The following FAM24B variants were observed in gnomAD, a reference collection of about 807,000 sequenced individuals.
FAM24B encodes family with sequence similarity 24 member B.
A neutral mutation model predicts 2.3 loss-of-function variants in FAM24B; 3 were observed. The observed-to-expected ratio is 1.29, with a 90% CI of 0.59 to 3.32. The LOEUF is 3.32. Among genes scored for constraint, FAM24B ranks in the 30% most tolerant of loss-of-function variants. The pLI is 0.03. For synonymous variants in FAM24B, 36 were observed against 46.3 expected (o/e 0.78, Z 0.90); for missense variants, 98 against 117.2 (o/e 0.84, Z 0.76).
At chr10:122,874,441 GT>G (rs749000030) in intron 1 of FAM24B, among the ~76,000 whole-genome samples, 1 of 151,998 alleles carries the variant, frequency 6.6e-6, no homozygotes, top group Non-Finnish European at 1.5e-5. Flanking sequence ...TGCAACACAG[GT>G]TTATCACTGA....
intron 2 of FAM24B, among the ~76,000 whole-genome samples, chr10:122,854,626 A>T (rs1448912305): frequency 6.6e-6 from 1 of 152,236 alleles, no homozygotes; most frequent in African/African-American, 2.4e-5. Flanking sequence ...TCGAAGCAAT[A>T]TCTCACTGAT....
At chr10:122,852,670 C>T (rs1236476341) in intron 2 of FAM24B, among the ~76,000 whole-genome samples, 1 of 152,208 alleles carries the variant, frequency 6.6e-6, no homozygotes. Flanking sequence ...CCCAAGGGGT[C>T]TCCACTGATA....
In FAM24B at chr10:122,850,503, C is replaced by T. The variant is rs141194908; in HGVS notation, c.13G>A (p.Ala5Thr). The part of the protein sequence containing the change: MPVI[A>T]GGILAALLLL... ...AGCAAGGCCGCCAGGATACCACCAG[C>T]GATGACAGGCATAATCACTGTATGG... The change falls in exon 3 of 4, where the codon GCT (alanine) becomes ACT (threonine). Residue 5 changes from alanine (A) to threonine (T), a missense_variant. Transcript: ENST00000368898. 19 of 1,613,018 alleles carry T rather than the reference C, an allele frequency of 1.2e-5. No individual in the cohort carries two copies. The highest frequency in any genetic ancestry group is 1.7e-5 in the Admixed American group (1 of 59,998).
chr10:122,855,436 A>T (rs1847621584), intron 2 of FAM24B: 1 of 152,202 alleles, frequency 6.6e-6, no homozygotes, highest in Non-Finnish European at 1.5e-5. Context: ...TGTCTAGGTG[A>T]TCCATGCAGA....
At chr10:122,854,556 A>C (rs978443517) in intron 2 of FAM24B, among the ~76,000 whole-genome samples, 1 of 152,228 alleles carries the variant, frequency 6.6e-6, no homozygotes, top group South Asian at 2.1e-4. Context: ...AAAGATCTGC[A>C]AATAAATCCC....
intron 1 of FAM24B, among the ~76,000 whole-genome samples, chr10:122,862,978 G>A (rs1269289847): frequency 2.0e-5 from 3 of 151,942 alleles, no homozygotes; most frequent in Non-Finnish European, 2.9e-5. Flanking sequence ...CAGCTTGGGA[G>A]GGGACAGGCT....
At chr10:122,866,692 T>C (rs980472759) in intron 1 of FAM24B, among the ~76,000 whole-genome samples, 2 of 152,188 alleles carry the variant, frequency 1.3e-5, no homozygotes, top group South Asian at 2.1e-4. Context: ...CCATGAATCA[T>C]GACCCTATAA....
chr10:122,853,538 C>A (rs932932939), intron 2 of FAM24B, among the ~76,000 whole-genome samples: 1 of 152,148 alleles, frequency 6.6e-6, no homozygotes, highest in African/African-American at 2.4e-5. Context: ...CTCTCCCTCC[C>A]GTGTTAATTG....
At chr10:122,850,305 A>G in intron 3 of FAM24B, 119 bp downstream of exon 3, 1 of 794,548 alleles carries the variant, frequency 1.3e-6, no homozygotes, top group Middle Eastern at 2.3e-4. Context: ...GTATGGCCAC[A>G]GCAGCAAGGA....
chr10:122,854,003 G>C (rs1273405998), intron 2 of FAM24B, among the ~76,000 whole-genome samples: 1 of 152,110 alleles, frequency 6.6e-6, no homozygotes, highest in Non-Finnish European at 1.5e-5. Context: ...CAGGAGCTCT[G>C]CAACCCTAGG....
chr10:122,871,099 A>C (rs927178729), intron 1 of FAM24B, among the ~76,000 whole-genome samples: 4 of 152,200 alleles, frequency 2.6e-5, no homozygotes, highest in African/African-American at 4.8e-5. Context: ...CTCAGGATAC[A>C]AAATCAATGT....
In FAM24B at chr10:122,857,650, C is replaced by T. The variant is rs140891969; in HGVS notation, c.-177-1864G>A. Among the ~76,000 whole-genome samples the T allele has an allele frequency of 3.9e-5, 6 of 152,270 alleles. No individual in the cohort carries two copies. The East Asian group carries it at 9.6e-4, about 24-fold the overall frequency. On this transcript the variant is annotated intron_variant, in intron 1 of 3. Transcript: ENST00000368898. ...TTGCTGTACTTGTGTATTTATGGTA[C>T]TTATGTATCTGTTTCCTTGTATTTC...
chr10:122,876,196 C>T (rs535306557), intron 1 of FAM24B, among the ~76,000 whole-genome samples: 2 of 152,282 alleles, frequency 1.3e-5, no homozygotes, highest in East Asian at 3.9e-4. Flanking sequence ...TTGCCTTGGT[C>T]TCTCACTCTT....
At chr10:122,875,522 T>G (rs1325179852) in intron 1 of FAM24B, among the ~76,000 whole-genome samples, 2 of 152,228 alleles carry the variant, frequency 1.3e-5, no homozygotes, top group Non-Finnish European at 2.9e-5. Context: ...GAAGAATATA[T>G]AGAAACTGAG....
intron 1 of FAM24B, among the ~76,000 whole-genome samples, chr10:122,869,527 C>G (rs1206782139): frequency 5.9e-5 from 9 of 152,214 alleles, no homozygotes; most frequent in Admixed American, 5.2e-4. Context: ...TGACCACATA[C>G]TTGGAAGTAA....
Position 122,849,143 on chromosome 10 carries a change from A to C in FAM24B, c.*104T>G. On this transcript the variant is annotated 3_prime_UTR_variant, in exon 4 of 4. Coordinates refer to ENST00000368898, the MANE Select transcript of FAM24B (RefSeq NM_152644.3). Reference sequence around the variant, plus strand: ...TCAAAAGTATATAAAACAACACTGTAAATTATATAATCTCACATAAAAACA... The same window carrying C: ...TCAAAAGTATATAAAACAACACTGTCAATTATATAATCTCACATAAAAACA... The C allele has an allele frequency of 3.6e-6, 3 of 830,590 alleles. No individual in the cohort carries two copies. Among genetic ancestry groups the C allele is most frequent in the Non-Finnish European group, 5.3e-6 (3 of 568,300 alleles). The allele number at this position is 830,590 out of a possible 1,614,324, so 51.5% of individuals were successfully genotyped here. A position where few individuals can be genotyped will look rare whatever the true frequency, so the allele number is the denominator to read the frequency against.
intron 1 of FAM24B, among the ~76,000 whole-genome samples, chr10:122,875,866 T>C (rs561603624): frequency 1.3e-5 from 2 of 152,182 alleles, no homozygotes; most frequent in Non-Finnish European, 2.9e-5. Context: ...AACTGGTATA[T>C]GACCTTCTAA....
intron 1 of FAM24B, among the ~76,000 whole-genome samples, chr10:122,878,205 G>A (rs1274187370): frequency 1.3e-5 from 2 of 152,220 alleles, no homozygotes; most frequent in Non-Finnish European, 2.9e-5. Context: ...GAGGCAGGCA[G>A]AAGTCAAGGA....
chr10:122,861,651 C>A (rs112756124), intron 1 of FAM24B, among the ~76,000 whole-genome samples: 2,242 of 152,220 alleles, frequency 0.015, 54 homozygotes, highest in African/African-American at 0.045. Flanking sequence ...CAGATCCTAC[C>A]TAAAGTTTAT....
Sources: allele counts gnomAD v4.1 joint callset (sites outside exome capture counted in the v4.1 genomes callset), GRCh38; gene constraint gnomAD v4.1.1; transcripts MANE v1.5; gene names NCBI Gene and HGNC (gene_info 2026-07-23, HGNC 2026-07-21).